The following SLC20A2 variants were observed in gnomAD, a reference collection of about 807,000 sequenced individuals.
The protein encoded by SLC20A2 is solute carrier family 20 member 2.
Under a neutral mutation model 61.0 loss-of-function variants are expected in SLC20A2, and 30 were observed. The ratio of observed to expected loss-of-function variants is 0.49; its 90% CI spans 0.37 to 0.67. The LOEUF is 0.67. Among genes scored for constraint, SLC20A2 ranks in the 30% least tolerant of loss-of-function variants. The probability of loss-of-function intolerance (pLI) is 0.00; values close to 1 mark genes in which losing one functional copy is unlikely to be tolerated. For missense variants in SLC20A2, 626 were observed against 866.4 expected (o/e 0.72, Z 3.48); for synonymous variants, 351 against 353.3 (o/e 0.99, Z 0.07).
At chr8:42,458,174 G>A (rs1806360345) in intron 5 of SLC20A2, among the ~76,000 whole-genome samples, 1 of 152,182 alleles carries the variant, frequency 6.6e-6, no homozygotes, top group African/African-American at 2.4e-5. Context: ...CCACAGTCTG[G>A]CTGTAGGAGG....
intron 2 of SLC20A2, among the ~76,000 whole-genome samples, chr8:42,470,470 C>T (rs551996570): frequency 2.6e-5 from 4 of 152,094 alleles, no homozygotes; most frequent in East Asian, 3.9e-4. Context: ...CTGCCCATCT[C>T]GGGGGCCTCC....
intron 1 of SLC20A2, among the ~76,000 whole-genome samples, chr8:42,528,349 C>A (rs917885685): frequency 6.6e-6 from 1 of 151,754 alleles, no homozygotes; most frequent in Admixed American, 6.6e-5. Context: ...TTAGTCCCAG[C>A]TACGCAGGAG....
In SLC20A2 at chr8:42,431,555, T is replaced by C. The variant is rs1042653252; in HGVS notation, c.1524-1306A>G. ...CTCCAGAAGATCCATCTAAGATCAC[T>C]GATGAAGGTGGCTACACTAACAATA... On this transcript the variant is annotated intron_variant, in intron 8 of 10. Coordinates refer to ENST00000520262, the MANE Select transcript of SLC20A2 (RefSeq NM_001257180.2). Among the ~76,000 whole-genome samples, 9 of 152,246 alleles carry C rather than the reference T, an allele frequency of 5.9e-5. No homozygotes were observed. The South Asian group carries it at 6.2e-4, about 11-fold the overall frequency.
At chr8:42,495,184 G>C (rs569046117) in intron 1 of SLC20A2, among the ~76,000 whole-genome samples, 1 of 152,216 alleles carries the variant, frequency 6.6e-6, no homozygotes, top group East Asian at 1.9e-4. Context: ...ACACATTTGT[G>C]AACTAGCTAC....
intron 1 of SLC20A2, among the ~76,000 whole-genome samples, chr8:42,518,401 A>T (rs1281511601): frequency 1.3e-5 from 2 of 152,222 alleles, no homozygotes; most frequent in East Asian, 3.8e-4. Flanking sequence ...ACAAGAGTTA[A>T]ATCTATATCT....
Position 42,472,249 on chromosome 8 carries a change from A to G in SLC20A2, c.142T>C (p.Cys48Arg), listed in dbSNP as rs1366500182. The G allele has an allele frequency of 1.2e-6, 2 of 1,614,200 alleles. No homozygotes were observed. Among genetic ancestry groups the G allele is most frequent in the Non-Finnish European group, 8.5e-7 (1 of 1,180,042 alleles). The change falls in exon 2 of 11, where the codon TGC becomes CGC. Residue 48 changes from cysteine (C) to arginine (R), a missense_variant. Physicochemically the swap from Cys to Arg is radical, Grantham distance 180. This residue lies in a region of SLC20A2 where 127 missense variants were observed against 215.4 expected (regional missense o/e 0.59). Transcript: ENST00000520262. This position sits in a 1 kb window ranked among gnomAD's most constrained non-coding sequence, Gnocchi z 4.1. Reference sequence around the variant, plus strand: ...GTTTCAAATATTGAAGCTAAAATGCATGCCTGCCTCAAGGTCACCACACCA... The same window carrying G: ...GTTTCAAATATTGAAGCTAAAATGCGTGCCTGCCTCAAGGTCACCACACCA... The part of the protein sequence containing the change: ...GSGVVTLRQA[C>R]ILASIFETTG...
Position 42,459,928 on chromosome 8 carries a change from T to C in SLC20A2, c.581A>G (p.Asn194Ser), listed in dbSNP as rs748252183. ...PVFYAATIAI[N>S]VFSIMYTGAP... ...TCCTGTGTACATGATGGAAAAGACA[T>C]TGATTGCTATGGTAGCAGCATAGAA... Residue 194 changes from asparagine (N) to serine (S), a missense_variant, in exon 5 of 11, where the codon AAT becomes AGT. Physicochemically the swap from Asn to Ser is conservative, Grantham distance 46 (BLOSUM62 1). Around this residue, in one of 3 missense-constraint regions of SLC20A2, gnomAD observed 361 missense variants for 422.3 expected, o/e 0.85. Coordinates refer to ENST00000520262, the MANE Select transcript of SLC20A2 (RefSeq NM_001257180.2). 1.1e-5 allele frequency: 18 copies of C among 1,613,350 alleles called. No homozygotes were observed. Among genetic ancestry groups the C allele is most frequent in the Non-Finnish European group, 1.7e-6 (2 of 1,179,676 alleles).
At chr8:42,534,503 AAC>A (rs1812584856) in intron 1 of SLC20A2, among the ~76,000 whole-genome samples, 1 of 152,212 alleles carries the variant, frequency 6.6e-6, no homozygotes, top group Non-Finnish European at 1.5e-5. Context: ...ACTGAACAAG[AAC>A]ATATGAATAG....
At position 42,521,794 on chromosome 8, in the gene SLC20A2, C is replaced by A. The variant is rs1478136875; in HGVS notation, c.-265+20027G>T. ...TGTGAACCACTATGCCCAGCCAATTCTGTATCTTGATTGTGGTAGTGGTAA... is the reference window on the plus strand; with the variant it reads ...TGTGAACCACTATGCCCAGCCAATTATGTATCTTGATTGTGGTAGTGGTAA... On this transcript the variant is annotated intron_variant, in intron 1 of 10. Coordinates refer to the SLC20A2 transcript ENST00000342228. Among the ~76,000 whole-genome samples, 4 of 121,204 alleles carry A rather than the reference C, an allele frequency of 3.3e-5. 1 individual carries two copies. In the East Asian group the frequency reaches 1.1e-3, roughly 32 times the overall value. The allele number at this position is 121,204 out of a possible 152,430, so 79.5% of individuals were successfully genotyped here.
At chr8:42,481,104 T>C (rs1159234081) in intron 1 of SLC20A2, among the ~76,000 whole-genome samples, 3 of 152,220 alleles carry the variant, frequency 2.0e-5, no homozygotes, top group Admixed American at 2.0e-4. Flanking sequence ...TGCCAAGGAC[T>C]CTGCTGGCCT....
chr8:42,425,623 T>A (rs1173423330), intron 10 of SLC20A2, among the ~76,000 whole-genome samples: 4 of 152,212 alleles, frequency 2.6e-5, no homozygotes, highest in African/African-American at 9.7e-5. Context: ...TCGGACAAAC[T>A]TACTCAAATC....
Position 42,522,904 on chromosome 8 carries a change from CG to C in SLC20A2, c.-265+18916del, listed in dbSNP as rs1327446804. Reference sequence around the variant, plus strand: ...AAAAAAAAAAAATCTGTAGAGATGGCGGGGTGGGGGGGGTCTCTCTGTGTTG... The same window carrying C: ...AAAAAAAAAAAATCTGTAGAGATGGCGGGTGGGGGGGGTCTCTCTGTGTTG... On this transcript the variant is annotated intron_variant, in intron 1 of 10. Coordinates refer to the SLC20A2 transcript ENST00000342228. Among the ~76,000 whole-genome samples, 7 of 86,638 alleles carry C rather than the reference CG, an allele frequency of 8.1e-5. No homozygotes were observed. In the East Asian group the frequency reaches 1.1e-3, roughly 13 times the overall value. The allele number at this position is 86,638 out of a possible 152,430, so 56.8% of individuals were successfully genotyped here. A position where few individuals can be genotyped will look rare whatever the true frequency, so the allele number is the denominator to read the frequency against.
chr8:42,452,145 A>AGAGGAGGAGGAAGAGATGGAG (rs1382672327), intron 5 of SLC20A2, among the ~76,000 whole-genome samples: 2 of 135,294 alleles, frequency 1.5e-5, no homozygotes, highest in African/African-American at 5.6e-5. Flanking sequence ...GAAGAGATGA[A>AGAGGAGGAGGAAGAGATGGAG]GAGGAGGAGG....
At chr8:42,493,346 C>T (rs1437928713) in intron 1 of SLC20A2, among the ~76,000 whole-genome samples, 2 of 152,208 alleles carry the variant, frequency 1.3e-5, no homozygotes, top group African/African-American at 4.8e-5. Flanking sequence ...AGTGCTCTCA[C>T]ATGTAGTGAA....
chr8:42,517,788 C>T (rs1811404528), intron 1 of SLC20A2, among the ~76,000 whole-genome samples: 1 of 152,148 alleles, frequency 6.6e-6, no homozygotes. Flanking sequence ...CTGACACTAA[C>T]TCATTTATTC....
At chr8:42,505,309 A>G (rs1490337191), upstream of SLC20A2, among the ~76,000 whole-genome samples, 1 of 151,950 alleles carries the variant, frequency 6.6e-6, no homozygotes, top group Non-Finnish European at 1.5e-5. Flanking sequence ...GAGTTTTGCT[A>G]TGTTGCCCTG....
Position 42,437,130 on chromosome 8 carries a change from G to A in SLC20A2, c.1382C>T (p.Ala461Val). The A allele has an allele frequency of 6.2e-7, 1 of 1,613,734 alleles. No homozygotes were observed. Among genetic ancestry groups the A allele is most frequent in the Non-Finnish European group, 8.5e-7 (1 of 1,180,024 alleles). ...GTCCTCTCGCGGCTGGTCAGGGTCGGCCAGCTCCGACGCCAGCTTCATCTC... is the reference window on the plus strand; with the variant it reads ...GTCCTCTCGCGGCTGGTCAGGGTCGACCAGCTCCGACGCCAGCTTCATCTC... ...GVEMKLASEL[A>V]DPDQPREDPA... is the part of the protein sequence containing the mutation. Residue 461 changes from alanine (A) to valine (V), a missense_variant, in exon 8 of 11, where the codon GCC becomes GTC. Ala to Val is a moderately conservative substitution (Grantham distance 64, BLOSUM62 0). Transcript: ENST00000520262. This position sits in a 1 kb window ranked among gnomAD's most constrained non-coding sequence, Gnocchi z 6.4.
chr8:42,453,025 C>A (rs796660942), intron 5 of SLC20A2, among the ~76,000 whole-genome samples: 1 of 152,172 alleles, frequency 6.6e-6, no homozygotes. Flanking sequence ...GGGCTGCATT[C>A]TGTGGGTCCA....
intron 1 of SLC20A2, among the ~76,000 whole-genome samples, chr8:42,482,746 CTGGGCACGATGGCTTA>C: frequency 6.6e-6 from 1 of 151,822 alleles, no homozygotes; most frequent in African/African-American, 2.4e-5. Context: ...CTGTATTTGG[CTGGGCACGATGGCTTA>C]TGCCTGTAAT....
Sources: gnomAD v4.1 joint callset for allele counts (sites outside exome capture counted in the v4.1 genomes callset) on GRCh38, gnomAD v4.1.1 for gene constraint, gnomAD v4.1.1 regional missense constraint, Gnocchi (gnomAD v3.1) non-coding constraint, MANE v1.5 for transcripts, NCBI Gene and HGNC (gene_info 2026-07-23, HGNC 2026-07-21) for gene names.